Variants in JAKMIP2 observed in about 807,000 individuals in gnomAD.
The protein encoded by JAKMIP2 is janus kinase and microtubule interacting protein 2.
JAKMIP2 carries 25 observed loss-of-function variants against 115.0 expected under a neutral mutation model. That is an observed-to-expected ratio of 0.22 (90% CI 0.16 to 0.30). JAKMIP2 has a LOEUF of 0.30. Ranked by LOEUF, JAKMIP2 falls within the 10% of genes least tolerant of loss-of-function variation. The pLI, the probability that JAKMIP2 is intolerant of heterozygous loss-of-function variation, is 1.00. For synonymous variants in JAKMIP2, 334 were observed against 343.6 expected, an observed-to-expected ratio of 0.97 and a Z score of 0.31; for missense variants, 642 against 957.6, an observed-to-expected ratio of 0.67 and a Z score of 4.35.
chr5:147,635,921 G>A (rs1341947590), intron 12 of JAKMIP2, among the ~76,000 whole-genome samples: 1 of 152,122 alleles, frequency 6.6e-6, no homozygotes, highest in South Asian at 2.1e-4. Flanking sequence ...GTGTGTGCGT[G>A]TATGTATATA....
rs1431011453 is a variant in JAKMIP2, at chr5:147,607,024, G to T, written c.2413-5213C>A. On this transcript the variant is annotated intron_variant, in intron 20 of 21. Coordinates refer to ENST00000616793, the MANE Select transcript of JAKMIP2 (RefSeq NM_001270941.2). Reference sequence around the variant, plus strand: ...CTTGTGATTTTTGCACATTGATTTTGTATCTTGAGAGTTTGCTGAAGTTGC... The same window carrying T: ...CTTGTGATTTTTGCACATTGATTTTTTATCTTGAGAGTTTGCTGAAGTTGC... Among the ~76,000 whole-genome samples the T allele has an allele frequency of 5.3e-5, 8 of 152,258 alleles. No homozygotes were observed. In the East Asian group the frequency reaches 1.2e-3, roughly 22 times the overall value.
chr5:147,687,755 A>T (rs1471796927), intron 1 of JAKMIP2, among the ~76,000 whole-genome samples: 2 of 152,336 alleles, frequency 1.3e-5, no homozygotes, highest in East Asian at 3.9e-4. Context: ...TGCAGAATGG[A>T]AATAAGCTAT....
intron 1 of JAKMIP2, among the ~76,000 whole-genome samples, chr5:147,771,107 GC>G (rs1331354186): frequency 6.6e-6 from 1 of 152,030 alleles, no homozygotes; most frequent in Non-Finnish European, 1.5e-5. Context: ...AAATATATTT[GC>G]CTTTTTCTTC....
At chr5:147,740,118 C>A (rs1754089271) in intron 1 of JAKMIP2, among the ~76,000 whole-genome samples, 1 of 152,162 alleles carries the variant, frequency 6.6e-6, no homozygotes, top group African/African-American at 2.4e-5. Flanking sequence ...CAAATGGTTT[C>A]TTTTTTTGAG....
intron 1 of JAKMIP2, among the ~76,000 whole-genome samples, chr5:147,737,847 G>A (rs546344137): frequency 8.5e-5 from 13 of 152,254 alleles, no homozygotes; most frequent in South Asian, 2.1e-4. Flanking sequence ...TTCCTTTACA[G>A]AACGTTAGAT....
chr5:147,642,822 A>G (rs1488967157), intron 7 of JAKMIP2, among the ~76,000 whole-genome samples: 2 of 152,128 alleles, frequency 1.3e-5, no homozygotes, highest in African/African-American at 4.8e-5. Flanking sequence ...TTGCCAAAGG[A>G]GGTTTAACGT....
At chr5:147,639,366 T>C (rs1757774375) in intron 10 of JAKMIP2, among the ~76,000 whole-genome samples, 1 of 152,206 alleles carries the variant, frequency 6.6e-6, no homozygotes, top group African/African-American at 2.4e-5. Flanking sequence ...TCCAATATTG[T>C]CTAGCTTTGA....
intron 20 of JAKMIP2, chr5:147,612,037 G>C: frequency 1.7e-6 from 1 of 603,116 alleles, no homozygotes; most frequent in Non-Finnish European, 3.1e-6. Flanking sequence ...GAAAGGAAAT[G>C]AAGATAAGGA....
intron 1 of JAKMIP2, among the ~76,000 whole-genome samples, chr5:147,708,001 T>G (rs529058366): frequency 5.8e-4 from 88 of 152,302 alleles, no homozygotes; most frequent in African/African-American, 2.0e-3. Flanking sequence ...AGAGGGCAAT[T>G]TAAATTGGTA....
At chr5:147,596,461 C>T (rs539761242) in intron 21 of JAKMIP2, among the ~76,000 whole-genome samples, 1 of 152,168 alleles carries the variant, frequency 6.6e-6, no homozygotes, top group Non-Finnish European at 1.5e-5. Flanking sequence ...AGGTAGTCTT[C>T]AAATGGTATA....
chr5:147,633,296 A>T (rs1158097497), intron 12 of JAKMIP2, among the ~76,000 whole-genome samples: 1 of 152,188 alleles, frequency 6.6e-6, no homozygotes, highest in African/African-American at 2.4e-5. Flanking sequence ...TTTAAATATT[A>T]TCACTGTCAT....
intron 4 of JAKMIP2, among the ~76,000 whole-genome samples, chr5:147,649,468 C>T (rs1271867614): frequency 3.3e-5 from 5 of 151,998 alleles, no homozygotes; most frequent in Non-Finnish European, 5.9e-5. Context: ...AGTGGTTTGC[C>T]TAAGGACACA....
chr5:147,605,237 T>A (rs1346838348), intron 20 of JAKMIP2, among the ~76,000 whole-genome samples: 2 of 140,600 alleles, frequency 1.4e-5, no homozygotes, highest in African/African-American at 5.3e-5. Flanking sequence ...TGAGACGGAG[T>A]CTTGCTCTGT....
chr5:147,700,117 T>C (rs76155866), intron 1 of JAKMIP2, among the ~76,000 whole-genome samples: 5,203 of 152,116 alleles, frequency 0.034, 326 homozygotes, highest in African/African-American at 0.12. Flanking sequence ...AGTTCTCAAG[T>C]AGAAAAGTTC....
At chr5:147,697,941 C>A (rs1752170578) in intron 1 of JAKMIP2, among the ~76,000 whole-genome samples, 1 of 152,178 alleles carries the variant, frequency 6.6e-6, no homozygotes, top group Non-Finnish European at 1.5e-5. Flanking sequence ...GAGAAGAGGA[C>A]CACTGTCCTC....
intron 1 of JAKMIP2, among the ~76,000 whole-genome samples, chr5:147,761,022 A>G (rs1754912741): frequency 6.6e-6 from 1 of 152,130 alleles, no homozygotes; most frequent in Non-Finnish European, 1.5e-5. Context: ...CTGGGAAGAA[A>G]TGCAAGTAAT....
At chr5:147,633,829 A>G (rs996358118) in intron 12 of JAKMIP2, among the ~76,000 whole-genome samples, 9 of 118,782 alleles carry the variant, frequency 7.6e-5, no homozygotes, top group African/African-American at 2.3e-4. Flanking sequence ...AGCTGGGACT[A>G]CAGGTGCCTG....
intron 1 of JAKMIP2, among the ~76,000 whole-genome samples, chr5:147,698,387 T>A (rs768972457): frequency 2.0e-5 from 3 of 152,126 alleles, no homozygotes; most frequent in Non-Finnish European, 2.9e-5. Context: ...CTGGAATGAG[T>A]TAAGACTTTG....
intron 20 of JAKMIP2, among the ~76,000 whole-genome samples, chr5:147,604,303 T>C (rs1416495226): frequency 1.3e-5 from 2 of 152,218 alleles, no homozygotes; most frequent in Non-Finnish European, 2.9e-5. Flanking sequence ...AAAATTACAC[T>C]TTTAGAATTT....
Sources: allele counts gnomAD v4.1 joint callset (sites outside exome capture counted in the v4.1 genomes callset), GRCh38; gene constraint gnomAD v4.1.1; transcripts MANE v1.5; gene names NCBI Gene and HGNC (gene_info 2026-07-23, HGNC 2026-07-21).